Variants in STEAP4 observed in about 807,000 individuals in gnomAD.
The protein encoded by STEAP4 is STEAP4 metalloreductase, also known as metalloreductase STEAP4.
Under a neutral mutation model 43.6 loss-of-function variants are expected in STEAP4, and 36 were observed. The ratio of observed to expected loss-of-function variants is 0.83; its 90% CI spans 0.63 to 1.09. The LOEUF is 1.09. Among genes scored for constraint, STEAP4 ranks in the 50% least tolerant of loss-of-function variants. The probability of loss-of-function intolerance (pLI) is 0.00; values close to 1 mark genes in which losing one functional copy is unlikely to be tolerated. For missense variants in STEAP4, 495 were observed against 546.5 expected (o/e 0.91, Z 0.94); for synonymous variants, 191 against 196.7 (o/e 0.97, Z 0.24).
intron 1 of STEAP4, among the ~76,000 whole-genome samples, chr7:88,297,304 T>C (rs1168068947): frequency 6.6e-6 from 1 of 152,240 alleles, no homozygotes; most frequent in South Asian, 2.1e-4. Context: ...TATAAGAAAG[T>C]TGGACAACAC....
intron 1 of STEAP4, among the ~76,000 whole-genome samples, chr7:88,285,384 C>A (rs1852711990): frequency 1.3e-5 from 2 of 152,186 alleles, no homozygotes; most frequent in South Asian, 4.2e-4. Context: ...TCTTGGATGG[C>A]AAGGCTCACA....
chr7:88,282,182 T>G (rs537871827), intron 3 of STEAP4: 1 of 155,082 alleles, frequency 6.4e-6, no homozygotes, highest in South Asian at 2.1e-4. Flanking sequence ...GGAGTCTTGC[T>G]CTGTCACCCA....
chr7:88,303,195 A>AC (rs1563505725), intron 1 of STEAP4, among the ~76,000 whole-genome samples: 3 of 143,048 alleles, frequency 2.1e-5, no homozygotes, highest in Non-Finnish European at 4.7e-5. Flanking sequence ...AAAAAAAAAA[A>AC]AAAAAAAAAA....
chr7:88,288,836 T>A (rs1030406054), intron 1 of STEAP4, among the ~76,000 whole-genome samples: 1 of 151,840 alleles, frequency 6.6e-6, no homozygotes, highest in Non-Finnish European at 1.5e-5. Context: ...TAAAAAAAAA[T>A]GCAAGTTAAA....
At chr7:88,298,742 C>A (rs911005548) in intron 1 of STEAP4, among the ~76,000 whole-genome samples, 1 of 152,092 alleles carries the variant, frequency 6.6e-6, no homozygotes, top group Non-Finnish European at 1.5e-5. Flanking sequence ...TTACTAATTG[C>A]TATAGATTAA....
intron 1 of STEAP4, among the ~76,000 whole-genome samples, chr7:88,289,327 G>A (rs1241096007): frequency 1.3e-5 from 2 of 152,020 alleles, no homozygotes; most frequent in Admixed American, 6.6e-5. Flanking sequence ...GGAAAGAAGT[G>A]GAAGAGATGT....
rs1852555591 is a variant in STEAP4 at position 88,278,699 on chromosome 7, A to T, written c.*699T>A. 1 of 152,266 alleles carries T rather than the reference A, an allele frequency of 6.6e-6. No homozygotes were observed. The highest frequency in any genetic ancestry group is 2.4e-5 in the African/African-American group (1 of 41,438). The allele number at this position is 152,266 out of a possible 1,614,324, so 9.4% of individuals were successfully genotyped here. A position where few individuals can be genotyped will look rare whatever the true frequency, so the allele number is the denominator to read the frequency against. On this transcript the variant is annotated 3_prime_UTR_variant, in exon 5 of 5. Transcript: ENST00000380079. ...TCCATTTTTATTCAGTCTTTCCTAT[A>T]CCTATTCTTTATAGAGGAAGAATTA...
At position 88,284,175 on chromosome 7, in the gene STEAP4, C is replaced by T. The variant is rs1205303069; in HGVS notation, c.95G>A (p.Arg32Lys). 6.2e-7 allele frequency: 1 copy of T among 1,614,128 alleles called. No homozygotes were observed. Among genetic ancestry groups the T allele is most frequent in the Non-Finnish European group, 8.5e-7 (1 of 1,180,014 alleles). ...CTGGAGCATTTTCAATCCCAGTGAT[C>T]TTCCAAAATCACCAGTTCCAAAAAT... Reference protein sequence around the residue: ...VCIFGTGDFGRSLGLKMLQCG... With the variant: ...VCIFGTGDFGKSLGLKMLQCG... The change falls in exon 2 of 5, where the codon AGA becomes AAA. Residue 32 changes from arginine to lysine, a missense_variant. Physicochemically the swap from Arg to Lys is conservative, Grantham distance 26. Transcript: ENST00000380079.
intron 1 of STEAP4, among the ~76,000 whole-genome samples, chr7:88,304,639 G>A (rs904995991): frequency 2.7e-5 from 4 of 150,000 alleles, no homozygotes; most frequent in African/African-American, 7.5e-5. Context: ...TGTTGCTGCT[G>A]TTGTGTGTGT....
rs1250424451 is a variant in STEAP4 at position 88,271,131 on chromosome 7, AACACT to A, written c.*8262_*8266del. 2 of 152,174 alleles carry A rather than the reference AACACT, an allele frequency of 1.3e-5. No individual in the cohort carries two copies. The highest frequency in any genetic ancestry group is 2.1e-4 in the South Asian group (1 of 4,830). 9.4% of individuals were successfully genotyped at this position (152,174 alleles called of 1,614,324 possible). On this transcript the variant is annotated 3_prime_UTR_variant, in exon 5 of 5. Coordinates refer to ENST00000380079, the MANE Select transcript of STEAP4 (RefSeq NM_024636.4). The stretch of plus-strand genomic sequence containing the variant: ...CTGTAGTCATCCTACAGAGCTATAG[AACACT>A]ACAACTTAATCTTCCTATCTAGCTG...
intron 1 of STEAP4, among the ~76,000 whole-genome samples, chr7:88,293,640 T>C (rs1375121177): frequency 6.6e-6 from 1 of 152,188 alleles, no homozygotes; most frequent in African/African-American, 2.4e-5. Context: ...ACAAGGTTTA[T>C]TTTTTGACCT....
intron 1 of STEAP4, among the ~76,000 whole-genome samples, chr7:88,296,373 T>A (rs1852923739): frequency 6.6e-6 from 1 of 152,176 alleles, no homozygotes; most frequent in Non-Finnish European, 1.5e-5. Context: ...AAATCAGAGA[T>A]CTGGCTTGGC....
Position 88,274,662 on chromosome 7 carries a change from T to C in STEAP4, c.*4736A>G, listed in dbSNP as rs998360623. ...AAGGGCTATTTCATAGGCAGAGCAG[T>C]GGCATGGGCTGCCTGGCTGAGTATA... On this transcript the variant is annotated 3_prime_UTR_variant, in exon 5 of 5. Coordinates refer to ENST00000380079, the MANE Select transcript of STEAP4 (RefSeq NM_024636.4). 1.3e-5 allele frequency: 2 copies of C among 152,230 alleles called. No homozygotes were observed. Among genetic ancestry groups the C allele is most frequent in the African/African-American group, 4.8e-5 (2 of 41,456 alleles). 9.4% of individuals were successfully genotyped at this position (152,230 alleles called of 1,614,324 possible).
chr7:88,279,981 TA>T (rs1852590147), intron 4 of STEAP4, among the ~76,000 whole-genome samples: 1 of 152,302 alleles, frequency 6.6e-6, no homozygotes, highest in South Asian at 2.1e-4. Context: ...CAGAGATGAA[TA>T]TGACACAGTA....
In STEAP4 at chr7:88,278,738, T is replaced by A. The variant is rs1852555873; in HGVS notation, c.*660A>T. The A allele has an allele frequency of 6.5e-6, 1 of 152,780 alleles. No individual in the cohort carries two copies. Among genetic ancestry groups the A allele is most frequent in the Non-Finnish European group, 1.5e-5 (1 of 68,428 alleles). 9.5% of individuals were successfully genotyped at this position (152,780 alleles called of 1,614,324 possible). A position where few individuals can be genotyped will look rare whatever the true frequency, so the allele number is the denominator to read the frequency against. ...GAGGAAGAATTACATGCCAGCTCTA[T>A]AGATACGTATGTATCCAAGACATGG... On this transcript the variant is annotated 3_prime_UTR_variant, in exon 5 of 5. Transcript: ENST00000380079.
In STEAP4 at chr7:88,279,423, C is replaced by T. The variant is rs1852572132; in HGVS notation, c.1355G>A (p.Gly452Asp). Residue 452 changes from glycine to aspartate, a missense_variant, in exon 5 of 5, where the codon GGC becomes GAC. Gly to Asp is a moderately conservative substitution (Grantham distance 94). Coordinates refer to ENST00000380079, the MANE Select transcript of STEAP4 (RefSeq NM_024636.4). ...CTAGTGTTTTGAGTTCCTTTCCCAG[C>T]CCTGGCGGATCCTTGTAAGGGTGTT... ...VDNTLTRIRQ[G>D]WERNSKH is the part of the protein sequence containing the mutation. 6.2e-7 allele frequency: 1 copy of T among 1,614,060 alleles called. No individual in the cohort carries two copies. The highest frequency in any genetic ancestry group is 8.5e-7 in the Non-Finnish European group (1 of 1,179,970).
Position 88,282,752 on chromosome 7 carries a change from C to T in STEAP4, c.873G>A (p.Lys291=). The T allele has an allele frequency of 6.2e-7, 1 of 1,614,110 alleles. No homozygotes were observed. Among genetic ancestry groups the T allele is most frequent in the Non-Finnish European group, 8.5e-7 (1 of 1,180,020 alleles). ...DWLDHWMLCR[K]QLGLVALGFA... Reference sequence around the variant, plus strand: ...ATCCCAGAGCTACCAAGCCAAGCTGCTTTCGGCAAAGCATCCAGTGGTCAA... The same window carrying T: ...ATCCCAGAGCTACCAAGCCAAGCTGTTTTCGGCAAAGCATCCAGTGGTCAA... Residue 291 remains lysine (K), a synonymous_variant, in exon 3 of 5, where the codon AAG becomes AAA. Coordinates refer to ENST00000380079, the MANE Select transcript of STEAP4 (RefSeq NM_024636.4).
At chr7:88,289,680 A>C (rs1852803941) in intron 1 of STEAP4, among the ~76,000 whole-genome samples, 1 of 152,240 alleles carries the variant, frequency 6.6e-6, no homozygotes, top group African/African-American at 2.4e-5. Flanking sequence ...AACTCTGAAT[A>C]ATCTAATTAA....
intron 2 of STEAP4, chr7:88,283,533 G>A: frequency 2.0e-6 from 1 of 510,908 alleles, no homozygotes; most frequent in Non-Finnish European, 3.4e-6. Flanking sequence ...AAGCAGAAAA[G>A]GATATTCACC....
Sources: gnomAD v4.1 joint callset for allele counts (sites outside exome capture counted in the v4.1 genomes callset) on GRCh38, gnomAD v4.1.1 for gene constraint, MANE v1.5 for transcripts, NCBI Gene and HGNC (gene_info 2026-07-23, HGNC 2026-07-21) for gene names.